TTC33: variants seen among roughly 807,000 people sequenced by gnomAD.
The protein encoded by TTC33 is tetratricopeptide repeat protein 33.
TTC33 carries 24 observed loss-of-function variants against 29.4 expected under a neutral mutation model. The observed-to-expected ratio is 0.82, with a 90% CI of 0.59 to 1.15. TTC33 has a LOEUF of 1.15. Ranked by LOEUF, TTC33 falls within the 50% of genes most tolerant of loss-of-function variation. The pLI is 0.00. For synonymous variants in TTC33, 107 were observed against 100.3 expected, an observed-to-expected ratio of 1.07 and a Z score of -0.40; for missense variants, 286 against 310.4, an observed-to-expected ratio of 0.92 and a Z score of 0.59.
chr5:40,716,983 C>T (rs1370350873), intron 4 of TTC33, among the ~76,000 whole-genome samples: 1 of 152,104 alleles, frequency 6.6e-6, no homozygotes, highest in Non-Finnish European at 1.5e-5. Flanking sequence ...AATCCCAGCA[C>T]TTTGGGAGGC....
intron 1 of TTC33, among the ~76,000 whole-genome samples, chr5:40,749,387 C>A (rs1742854272): frequency 6.6e-6 from 1 of 152,066 alleles, no homozygotes; most frequent in South Asian, 2.1e-4. Context: ...TCATTCCATT[C>A]TTAAAGGAGT....
At position 40,713,023 on chromosome 5, in the gene TTC33, T is replaced by G. The variant is rs1005995593; in HGVS notation, c.*3122A>C. ...TTTATATATTTCAATATCTTATTAT[T>G]GGTAAGAAAAACTTAACTTTCTCAG... On this transcript the variant is annotated 3_prime_UTR_variant, in exon 5 of 5. Transcript: ENST00000337702. Among the ~76,000 whole-genome samples, 2 of 152,158 alleles carry G rather than the reference T, an allele frequency of 1.3e-5. No homozygotes were observed. Among genetic ancestry groups the G allele is most frequent in the Non-Finnish European group, 2.9e-5 (2 of 68,018 alleles).
At chr5:40,723,128 C>A (rs1325132620) in intron 4 of TTC33, among the ~76,000 whole-genome samples, 2 of 152,062 alleles carry the variant, frequency 1.3e-5, no homozygotes, top group African/African-American at 4.8e-5. Flanking sequence ...TAATCTATAA[C>A]CTTACCCCCA....
chr5:40,725,352 C>T (rs1198678145), intron 4 of TTC33, among the ~76,000 whole-genome samples: 1 of 151,990 alleles, frequency 6.6e-6, no homozygotes, highest in East Asian at 1.9e-4. Context: ...ACTTGTCCAT[C>T]CCATTACTAC....
At chr5:40,742,103 T>C (rs1742707087) in intron 2 of TTC33, among the ~76,000 whole-genome samples, 1 of 152,184 alleles carries the variant, frequency 6.6e-6, no homozygotes, top group Non-Finnish European at 1.5e-5. Context: ...GAAAACAGTT[T>C]TTTTTTTATA....
chr5:40,719,143 C>T (rs540929397), intron 4 of TTC33, among the ~76,000 whole-genome samples: 1 of 152,236 alleles, frequency 6.6e-6, no homozygotes, highest in South Asian at 2.1e-4. Context: ...GTCACACAGC[C>T]ATCACCCATA....
intron 4 of TTC33, among the ~76,000 whole-genome samples, chr5:40,724,002 C>G (rs561604919): frequency 3.9e-5 from 6 of 152,214 alleles, no homozygotes; most frequent in African/African-American, 1.4e-4. Context: ...ATTAGAACTA[C>G]CATGTAATAA....
chr5:40,754,770 T>C (rs948675279), intron 1 of TTC33, among the ~76,000 whole-genome samples: 1 of 152,222 alleles, frequency 6.6e-6, no homozygotes, highest in Non-Finnish European at 1.5e-5. Flanking sequence ...GAAGAAAACT[T>C]AGCCAGGCTT....
At chr5:40,744,698 G>A (rs1227784053) in intron 2 of TTC33, among the ~76,000 whole-genome samples, 7 of 152,030 alleles carry the variant, frequency 4.6e-5, no homozygotes, top group Admixed American at 3.3e-4. Flanking sequence ...TCATACATAT[G>A]TCTTCTAAAA....
chr5:40,744,551 T>C (rs1468379422), intron 2 of TTC33, among the ~76,000 whole-genome samples: 1 of 151,964 alleles, frequency 6.6e-6, no homozygotes, highest in Non-Finnish European at 1.5e-5. Flanking sequence ...TAATTCATTT[T>C]CTTTTAAATT....
At chr5:40,731,961 T>C (rs1742437463) in intron 2 of TTC33, among the ~76,000 whole-genome samples, 1 of 152,222 alleles carries the variant, frequency 6.6e-6, no homozygotes, top group African/African-American at 2.4e-5. Context: ...ATACAATTAT[T>C]TTCCCAAAAA....
At chr5:40,744,982 T>C (rs1742763875) in intron 2 of TTC33, among the ~76,000 whole-genome samples, 3 of 152,038 alleles carry the variant, frequency 2.0e-5, no homozygotes, top group Admixed American at 6.5e-5. Flanking sequence ...TTAGACTCAA[T>C]CTCTACACCT....
At position 40,716,229 on chromosome 5, in the gene TTC33, AGACACAATAAC is replaced by A; in HGVS notation, c.694_704del (p.Val232CysfsTer10). 1.2e-6 allele frequency: 2 copies of A among 1,614,248 alleles called. No homozygotes were observed. The highest frequency in any genetic ancestry group is 2.7e-5 in the African/African-American group (2 of 75,072). On this transcript the variant is annotated frameshift_variant, in exon 5 of 5. Coordinates refer to ENST00000337702, the MANE Select transcript of TTC33 (RefSeq NM_012382.3). LOFTEE classifies it high-confidence loss of function. ...TTACAGTCTCTATGGCCCCAGAAGC[AGACACAATAAC>A]CATTGTTTTATTTGCTGAAACTGTC...
chr5:40,746,197 A>G (rs1742784898), intron 2 of TTC33, among the ~76,000 whole-genome samples: 1 of 152,186 alleles, frequency 6.6e-6, no homozygotes, highest in Non-Finnish European at 1.5e-5. Context: ...AAGCAGAAAA[A>G]GGAGAAAAGG....
intron 4 of TTC33, among the ~76,000 whole-genome samples, chr5:40,717,616 A>G (rs960006622): frequency 6.6e-6 from 1 of 152,242 alleles, no homozygotes. Context: ...TAGTTGTGAT[A>G]AACAAAAATG....
chr5:40,753,594 T>C (rs1359514524), intron 1 of TTC33, among the ~76,000 whole-genome samples: 1 of 151,944 alleles, frequency 6.6e-6, no homozygotes, highest in East Asian at 1.9e-4. Flanking sequence ...TAGGGGAAGA[T>C]GGCTGAAAAC....
Position 40,738,910 on chromosome 5 carries a change from A to G in TTC33, c.221+7888T>C, listed in dbSNP as rs538975574. Among the ~76,000 whole-genome samples the G allele has an allele frequency of 3.3e-5, 5 of 152,232 alleles. No homozygotes were observed. The South Asian group carries it at 1.0e-3, about 32-fold the overall frequency. On this transcript the variant is annotated intron_variant, in intron 2 of 4. Transcript: ENST00000337702. Reference sequence around the variant, plus strand: ...TACATGAATAGCTTGTCTTCTTCCTACTGAGTTGTAAGAGTTCTTCTATAC... The same window carrying G: ...TACATGAATAGCTTGTCTTCTTCCTGCTGAGTTGTAAGAGTTCTTCTATAC...
At chr5:40,728,211 G>T in intron 4 of TTC33, 134 bp downstream of exon 4, 1 of 618,416 alleles carries the variant, frequency 1.6e-6, no homozygotes, top group African/African-American at 2.0e-5. Flanking sequence ...TTGAACCCAG[G>T]AGGCGGAGGT....
At chr5:40,745,729 C>T (rs763552304) in intron 2 of TTC33, among the ~76,000 whole-genome samples, 3 of 150,812 alleles carry the variant, frequency 2.0e-5, no homozygotes, top group South Asian at 2.1e-4. Flanking sequence ...ACTAGATATA[C>T]GATTTATTTA....
Sources: gnomAD v4.1 joint callset for allele counts (sites outside exome capture counted in the v4.1 genomes callset) on GRCh38, gnomAD v4.1.1 for gene constraint, MANE v1.5 for transcripts, NCBI Gene and HGNC (gene_info 2026-07-23, HGNC 2026-07-21) for gene names.